Variants in ZNF483 observed in about 807,000 individuals in gnomAD.
ZNF483 encodes zinc finger protein HIT-10.
In ZNF483, 9 loss-of-function variants were observed where a neutral mutation model predicts 28.6. The ratio of observed to expected loss-of-function variants is 0.32; its 90% CI spans 0.19 to 0.55. The LOEUF (loss-of-function observed/expected upper bound fraction) is 0.55. Ranked by LOEUF, ZNF483 falls within the 20% of genes least tolerant of loss-of-function variation. The pLI, the probability that ZNF483 is intolerant of heterozygous loss-of-function variation, is 0.93. For missense variants in ZNF483, 675 were observed against 871.7 expected (o/e 0.77, Z 2.84); for synonymous variants, 322 against 306.2 (o/e 1.05, Z -0.54).
chr9:111,554,436 T>C lies in ZNF483; in HGVS notation c.*11266T>C, dbSNP rs1215804405. 6.6e-6 allele frequency among the ~76,000 whole-genome samples: 1 copy of C among 152,226 alleles called. No individual in the cohort carries two copies. The highest frequency in any genetic ancestry group is 1.5e-5 in the Non-Finnish European group (1 of 68,040). ...AGATTATTTCTACCACAGTCTGTTCTTTCGGTCACCAAACTCTTTCTTCCC... is the reference window on the plus strand; with the variant it reads ...AGATTATTTCTACCACAGTCTGTTCCTTCGGTCACCAAACTCTTTCTTCCC... On this transcript the variant is annotated 3_prime_UTR_variant, in exon 6 of 6. Coordinates refer to ENST00000309235, the MANE Select transcript of ZNF483 (RefSeq NM_133464.5).
chr9:111,527,706 T>A lies in ZNF483; in HGVS notation c.311T>A (p.Leu104Ter). Residue 104 changes from leucine (L) to a stop codon, truncating the protein, a stop_gained, in exon 2 of 6, where the codon TTG becomes TAG. Transcript: ENST00000309235. LOFTEE classifies it high-confidence loss of function. ...LLVFEQFLTI[L>*]PGEIRIWVKS... is the part of the protein sequence containing the mutation. ...GTGTTTGAGCAGTTCCTGACCATTT[T>A]GCCTGGGGAGATCAGGATTTGGGTA... 6.2e-7 allele frequency: 1 copy of A among 1,614,142 alleles called. No homozygotes were observed. Among genetic ancestry groups the A allele is most frequent in the Non-Finnish European group, 8.5e-7 (1 of 1,180,032 alleles).
intron 3 of ZNF483, among the ~76,000 whole-genome samples, chr9:111,532,726 T>C (rs1055096567): frequency 1.2e-3 from 178 of 152,256 alleles, no homozygotes; most frequent in African/African-American, 4.1e-3. Flanking sequence ...ATAAAAAGCA[T>C]GCAGAGAATG....
intron 5 of ZNF483, among the ~76,000 whole-genome samples, chr9:111,573,739 C>G (rs1336780630): frequency 6.6e-6 from 1 of 152,102 alleles, no homozygotes; most frequent in African/African-American, 2.4e-5. Flanking sequence ...CCATTCCTCT[C>G]CACACCCATA....
At position 111,543,227 on chromosome 9, in the gene ZNF483, C is replaced by A; in HGVS notation, c.*57C>A. On this transcript the variant is annotated 3_prime_UTR_variant, in exon 6 of 6. Coordinates refer to ENST00000309235, the MANE Select transcript of ZNF483 (RefSeq NM_133464.5). ...AATTCAAATTGTCAGTTACTGAAAC[C>A]CTGGGATGTAAACTTACAGTATTGA... is the stretch of plus-strand genomic sequence containing the variant. 6.5e-7 allele frequency: 1 copy of A among 1,532,808 alleles called. No homozygotes were observed. The highest frequency in any genetic ancestry group is 8.7e-7 in the Non-Finnish European group (1 of 1,145,280). 95.0% of individuals were successfully genotyped at this position (1,532,808 alleles called of 1,614,324 possible). A position where few individuals can be genotyped will look rare whatever the true frequency, so the allele number is the denominator to read the frequency against.
In ZNF483 at chr9:111,541,749, G is replaced by A; in HGVS notation, c.814G>A (p.Glu272Lys). The change falls in exon 6 of 6, where the codon GAG (glutamate) becomes AAG (lysine). Residue 272 changes from glutamate (E) to lysine (K), a missense_variant. Around this residue, in one of 6 missense-constraint regions of ZNF483, gnomAD observed 525 missense variants for 581.8 expected, o/e 0.90. Coordinates refer to ENST00000309235, the MANE Select transcript of ZNF483 (RefSeq NM_133464.5). ...EESQQYCGSS[E>K]EDHGNQGNSK... is the part of the protein sequence containing the mutation. The stretch of plus-strand genomic sequence containing the variant: ...ATCCCAGCAATATTGTGGCAGCTCA[G>A]AGGAGGATCACGGTAATCAGGGAAA... 1 of 1,614,194 alleles carries A rather than the reference G, an allele frequency of 6.2e-7. No homozygotes were observed. Among genetic ancestry groups the A allele is most frequent in the Middle Eastern group, 1.6e-4 (1 of 6,062 alleles).
chr9:111,566,121 C>T (rs930048554), intron 5 of ZNF483, among the ~76,000 whole-genome samples: 1 of 151,950 alleles, frequency 6.6e-6, no homozygotes, highest in Non-Finnish European at 1.5e-5. Flanking sequence ...GAGAATCACT[C>T]GAACCCAGGA....
In ZNF483 at chr9:111,527,600, G is replaced by T; in HGVS notation, c.205G>T (p.Ala69Ser). The T allele has an allele frequency of 1.9e-6, 3 of 1,614,200 alleles. No individual in the cohort carries two copies. Among genetic ancestry groups the T allele is most frequent in the Non-Finnish European group, 2.5e-6 (3 of 1,180,044 alleles). ...CTCAGAAGTAGCTGGACCCAGGAAA[G>T]CTCTGAGTCAACTCTGGGAGCTCTG... ...CYSEVAGPRKALSQLWELCNQ... is the reference protein window; with the variant it reads ...CYSEVAGPRKSLSQLWELCNQ... The change falls in exon 2 of 6, where the codon GCT becomes TCT. Residue 69 changes from alanine to serine, a missense_variant. By Grantham distance (99) the Ala-to-Ser change is moderately conservative. Transcript: ENST00000309235.
intron 2 of ZNF483, 59 bp from the exon 3 acceptor site, chr9:111,530,816 A>ATATATAT (rs1564591312): frequency 1.6e-5 from 3 of 181,974 alleles, no homozygotes; most frequent in African/African-American, 3.6e-5. Flanking sequence ...TATATATATA[A>ATATATAT]GATTTTTAGT....
At chr9:111,557,322 C>T (rs1457854882), downstream of ZNF483, among the ~76,000 whole-genome samples, 3 of 151,378 alleles carry the variant, frequency 2.0e-5, no homozygotes, top group Admixed American at 6.6e-5. Flanking sequence ...TGCAGTGAGC[C>T]GAGATGGTGC....
At chr9:111,574,931 C>T (rs1828993543) in intron 5 of ZNF483, 2 of 999,668 alleles carry the variant, frequency 2.0e-6, no homozygotes, top group Admixed American at 4.4e-5. Context: ...TTTTACAATA[C>T]CTGTTTTAGC....
At chr9:111,575,755 A>G (rs571570431) in intron 5 of ZNF483, among the ~76,000 whole-genome samples, 1 of 152,354 alleles carries the variant, frequency 6.6e-6, no homozygotes, top group African/African-American at 2.4e-5. Context: ...CTTAAAATGC[A>G]TCGTAGACCT....
At chr9:111,538,161 G>A (rs764039339) in intron 5 of ZNF483, among the ~76,000 whole-genome samples, 24 of 149,730 alleles carry the variant, frequency 1.6e-4, no homozygotes, top group Non-Finnish European at 3.0e-4. Flanking sequence ...TACACAGTTT[G>A]TCTGCAAGTT....
chr9:111,571,772 G>A (rs1290153804), intron 5 of ZNF483, among the ~76,000 whole-genome samples: 1 of 152,106 alleles, frequency 6.6e-6, no homozygotes, highest in Admixed American at 6.6e-5. Flanking sequence ...CCAAAATATT[G>A]GGATTACAGG....
intron 5 of ZNF483, 92 bp from the exon 6 acceptor site, chr9:111,541,565 T>C: frequency 9.9e-7 from 1 of 1,005,620 alleles, no homozygotes. Context: ...ACTATATTCC[T>C]TATAGTTATT....
downstream of ZNF483, among the ~76,000 whole-genome samples, chr9:111,556,573 C>A (rs75678073): frequency 0.028 from 4,240 of 152,346 alleles, 117 homozygotes; most frequent in East Asian, 0.15. Context: ...CTCTTGTCTT[C>A]TTTGCACCTG....
rs1244813920 is a variant in ZNF483 at position 111,546,845 on chromosome 9, TCTC to T, written c.*3682_*3684del. ...CTCCTTAAACAGTAACTCCCCATTT[TCTC>T]CTCCTCAGGCTCCTGGTAACCACTG... On this transcript the variant is annotated 3_prime_UTR_variant, in exon 6 of 6. Transcript: ENST00000309235. 3.3e-5 allele frequency among the ~76,000 whole-genome samples: 5 copies of T among 152,080 alleles called. No homozygotes were observed. The highest frequency in any genetic ancestry group is 1.9e-4 in the East Asian group (1 of 5,194).
In ZNF483 at chr9:111,542,939, T is replaced by G. The variant is rs1279462995; in HGVS notation, c.2004T>G (p.Cys668Trp). The change falls in exon 6 of 6, where the codon TGT (cysteine) becomes TGG (tryptophan). Residue 668 changes from cysteine to tryptophan, a missense_variant. Cys to Trp is a radical substitution (Grantham distance 215). Coordinates refer to ENST00000309235, the MANE Select transcript of ZNF483 (RefSeq NM_133464.5). The surrounding 1 kb of genome is among the most constrained non-coding windows in gnomAD (Gnocchi z 6.2). Reference protein sequence around the residue: ...TGVKPYKCKECGKSFSQSSSL... With the variant: ...TGVKPYKCKEWGKSFSQSSSL... ...TAAAACCTTATAAATGTAAAGAATG[T>G]GGGAAGTCCTTCAGTCAGAGTTCAT... 1 of 1,614,120 alleles carries G rather than the reference T, an allele frequency of 6.2e-7. No individual in the cohort carries two copies. Among genetic ancestry groups the G allele is most frequent in the Non-Finnish European group, 8.5e-7 (1 of 1,179,996 alleles).
At chr9:111,570,042 G>C in intron 5 of ZNF483, 1 of 1,610,316 alleles carries the variant, frequency 6.2e-7, no homozygotes, top group South Asian at 1.1e-5. Flanking sequence ...GAGGCAAAGG[G>C]AGTGTGACCT....
Position 111,542,318 on chromosome 9 carries a change from C to T in ZNF483, c.1383C>T (p.His461=). The T allele has an allele frequency of 1.2e-6, 2 of 1,614,122 alleles. No individual in the cohort carries two copies. The highest frequency in any genetic ancestry group is 2.2e-5 in the East Asian group (1 of 44,882). The stretch of plus-strand genomic sequence containing the variant: ...CACTCACCAAACATCGGAGAATTCA[C>T]ACTGGAGAAAAACCCTATATGTGTA... The part of the protein sequence containing the change: ...SASLTKHRRI[H]TGEKPYMCNE... Residue 461 remains histidine, a synonymous_variant, in exon 6 of 6, where the codon CAC becomes CAT. Transcript: ENST00000309235. This position sits in a 1 kb window ranked among gnomAD's most constrained non-coding sequence, Gnocchi z 6.2.
Sources: allele counts gnomAD v4.1 joint callset (sites outside exome capture counted in the v4.1 genomes callset), GRCh38; gene constraint gnomAD v4.1.1; regional missense constraint gnomAD v4.1.1; non-coding constraint Gnocchi (gnomAD v3.1); transcripts MANE v1.5; gene names NCBI Gene and HGNC (gene_info 2026-07-23, HGNC 2026-07-21).